The following SUPT3H variants were observed in gnomAD, a reference collection of about 807,000 sequenced individuals.
SUPT3H encodes the protein SPT3 homolog, SAGA and STAGA complex component, also known as transcription initiation protein SPT3 homolog.
A neutral mutation model predicts 44.3 loss-of-function variants in SUPT3H; 44 were observed. The ratio of observed to expected loss-of-function variants is 0.99; its 90% confidence interval spans 0.78 to 1.28. The LOEUF (loss-of-function observed/expected upper bound fraction) is 1.28. SUPT3H is among the 50% of genes most tolerant of loss of function. The pLI, the probability that SUPT3H is intolerant of heterozygous loss-of-function variation, is 0.00. For synonymous variants in SUPT3H, 124 were observed against 125.6 expected (o/e 0.99, Z 0.09); for missense variants, 380 against 387.1 (o/e 0.98, Z 0.15).
intron 2 of SUPT3H, among the ~76,000 whole-genome samples, chr6:45,317,607 A>G (rs1176629291): frequency 6.6e-6 from 1 of 152,170 alleles, no homozygotes; most frequent in African/African-American, 2.4e-5. Context: ...AGTCTCTTCA[A>G]TAAATGGTGC....
At chr6:45,327,934 G>A (rs1786644897) in intron 2 of SUPT3H, among the ~76,000 whole-genome samples, 1 of 151,806 alleles carries the variant, frequency 6.6e-6, no homozygotes, top group African/African-American at 2.4e-5. Flanking sequence ...TTTTTCCACA[G>A]ACACAATAAT....
chr6:45,080,571 T>C lies in SUPT3H; in HGVS notation c.186+25351A>G, dbSNP rs555752757. Among the ~76,000 whole-genome samples, 73 of 151,996 alleles carry C rather than the reference T, an allele frequency of 4.8e-4. 1 individual carries two copies. Among genetic ancestry groups the C allele is most frequent in the Non-Finnish European group, 7.4e-5 (5 of 67,940 alleles). ...AAGAATGAATAAAGAAAATGTGGCA[T>C]ATACGCAATGAAGTACTATTCAGCC... is the stretch of plus-strand genomic sequence containing the variant. On this transcript the variant is annotated intron_variant, in intron 3 of 10. Transcript: ENST00000371459.
intron 6 of SUPT3H, among the ~76,000 whole-genome samples, chr6:44,969,316 C>G (rs569930172): frequency 5.5e-4 from 84 of 152,180 alleles, no homozygotes; most frequent in African/African-American, 1.9e-3. Flanking sequence ...CACGGAAAGT[C>G]TGGAAGCATA....
intron 2 of SUPT3H, among the ~76,000 whole-genome samples, chr6:45,125,540 T>C (rs151148774): frequency 1.3e-5 from 2 of 152,308 alleles, no homozygotes; most frequent in African/African-American, 4.8e-5. Context: ...CATTCTAAAG[T>C]ACCATTTTCA....
At position 45,193,195 on chromosome 6, in the gene SUPT3H, T is replaced by TTCTG. The variant is rs1562658064; in HGVS notation, c.102-87190_102-87189insCAGA. ...GTTCTTTGAAACTCTCGATTCAGAA[T>TTCTG]AACACATGTACACCAAAAAAACCCC... On this transcript the variant is annotated intron_variant, in intron 2 of 10. Transcript: ENST00000371459. Among the ~76,000 whole-genome samples, 4 of 152,234 alleles carry TTCTG rather than the reference T, an allele frequency of 2.6e-5. No homozygotes were observed. In the East Asian group the frequency reaches 7.7e-4, roughly 29 times the overall value.
At chr6:45,138,277 T>G (rs558761694) in intron 2 of SUPT3H, among the ~76,000 whole-genome samples, 1 of 152,268 alleles carries the variant, frequency 6.6e-6, no homozygotes, top group African/African-American at 2.4e-5. Context: ...ATAGCTATTT[T>G]GGAGAACAGT....
chr6:44,931,375 G>GT (rs1220891416), intron 10 of SUPT3H, among the ~76,000 whole-genome samples: 1 of 151,052 alleles, frequency 6.6e-6, no homozygotes, highest in Non-Finnish European at 1.5e-5. Context: ...TTCATTATAA[G>GT]TTTTTTTTCA....
At chr6:45,172,035 G>C (rs1207148170) in intron 2 of SUPT3H, among the ~76,000 whole-genome samples, 1 of 145,258 alleles carries the variant, frequency 6.9e-6, no homozygotes, top group East Asian at 2.1e-4. Context: ...TTTTTAAAAA[G>C]TGATGGCATT....
chr6:45,283,018 T>C (rs1231355564), intron 2 of SUPT3H, among the ~76,000 whole-genome samples: 2 of 152,144 alleles, frequency 1.3e-5, no homozygotes, highest in East Asian at 1.9e-4. Context: ...TAAAATACTT[T>C]ACAGGCAAGC....
chr6:45,129,307 C>T (rs1672952247), intron 2 of SUPT3H, among the ~76,000 whole-genome samples: 1 of 152,172 alleles, frequency 6.6e-6, no homozygotes, highest in Non-Finnish European at 1.5e-5. Context: ...ATGTTCTACA[C>T]AGGATCTTTG....
chr6:44,999,312 C>G (rs1781697149), intron 6 of SUPT3H, among the ~76,000 whole-genome samples: 1 of 151,872 alleles, frequency 6.6e-6, no homozygotes, highest in Admixed American at 6.6e-5. Context: ...GCTATGTTGC[C>G]CAGGTTGGAC....
At chr6:44,888,228 C>T (rs1455270146) in intron 10 of SUPT3H, among the ~76,000 whole-genome samples, 1 of 152,098 alleles carries the variant, frequency 6.6e-6, no homozygotes, top group Non-Finnish European at 1.5e-5. Context: ...CTATTCCAAT[C>T]AACAGAAAAA....
At chr6:45,369,606 TC>T (rs1222240399) in intron 1 of SUPT3H, among the ~76,000 whole-genome samples, 1 of 151,942 alleles carries the variant, frequency 6.6e-6, no homozygotes, top group Non-Finnish European at 1.5e-5. Flanking sequence ...CTTAATTCCC[TC>T]CTCTTATAAT....
chr6:45,046,095 T>C (rs1239450065), intron 3 of SUPT3H, among the ~76,000 whole-genome samples: 1 of 152,212 alleles, frequency 6.6e-6, no homozygotes, highest in Non-Finnish European at 1.5e-5. Flanking sequence ...ATTTTAGCTA[T>C]TTTAATATTT....
At chr6:45,237,639 C>T (rs1017345604) in intron 2 of SUPT3H, among the ~76,000 whole-genome samples, 3 of 152,094 alleles carry the variant, frequency 2.0e-5, no homozygotes, top group Non-Finnish European at 4.4e-5. Flanking sequence ...CATTGTTAAG[C>T]CTCCAGAACC....
chr6:45,324,594 A>AGGTAGAGGGAGAGAGATT (rs1374973535), intron 2 of SUPT3H, among the ~76,000 whole-genome samples: 2 of 151,272 alleles, frequency 1.3e-5, no homozygotes, highest in Admixed American at 6.6e-5. Context: ...TGGGGGAGAC[A>AGGTAGAGGGAGAGAGATT]GGTAGAGGGA....
chr6:44,977,980 A>G (rs9472413), intron 6 of SUPT3H, among the ~76,000 whole-genome samples: 17,956 of 152,128 alleles, frequency 0.12, 1,251 homozygotes, highest in African/African-American at 0.19. Context: ...TTAATGAAAT[A>G]TAAGTGGACG....
intron 2 of SUPT3H, among the ~76,000 whole-genome samples, chr6:45,161,285 T>C (rs1808917267): frequency 6.6e-6 from 1 of 152,144 alleles, no homozygotes; most frequent in Non-Finnish European, 1.5e-5. Context: ...TGATGAACTC[T>C]TGTGTCCAGA....
At chr6:45,049,400 A>G (rs371075406) in intron 3 of SUPT3H, among the ~76,000 whole-genome samples, 3 of 152,340 alleles carry the variant, frequency 2.0e-5, no homozygotes. Context: ...AGGGATAAAA[A>G]CAGGAAGTTA....
Sources: allele counts gnomAD v4.1 joint callset (sites outside exome capture counted in the v4.1 genomes callset), GRCh38; gene constraint gnomAD v4.1.1; transcripts MANE v1.5; gene names NCBI Gene and HGNC (gene_info 2026-07-23, HGNC 2026-07-21).